The following OXR1 variants were observed in gnomAD, a reference collection of about 807,000 sequenced individuals.
OXR1 encodes oxidation resistance protein 1.
In OXR1, 41 loss-of-function variants were observed where a neutral mutation model predicts 104.6. That is an observed-to-expected ratio of 0.39 (90% CI 0.31 to 0.51). OXR1 has a LOEUF of 0.51. Ranked by LOEUF, OXR1 falls within the 20% of genes least tolerant of loss-of-function variation. The pLI is 0.77. For synonymous variants in OXR1, 348 were observed against 348.4 expected, an observed-to-expected ratio of 1.00 and a Z score of 0.01; for missense variants, 955 against 1,031.9, an observed-to-expected ratio of 0.93 and a Z score of 1.02.
At chr8:106,748,028 TG>T (rs1489444769) in intron 16 of OXR1, among the ~76,000 whole-genome samples, 1 of 152,242 alleles carries the variant, frequency 6.6e-6, no homozygotes, top group Admixed American at 6.5e-5. Flanking sequence ...AGATTGGCTA[TG>T]ATAGTCTATT....
intron 2 of OXR1, among the ~76,000 whole-genome samples, chr8:106,431,152 G>C (rs913587832): frequency 3.9e-5 from 6 of 152,042 alleles, no homozygotes; most frequent in Admixed American, 1.3e-4. Context: ...AGTGTATAGG[G>C]GTTGTAGCCC....
chr8:106,612,515 T>C (rs933980716), intron 3 of OXR1, among the ~76,000 whole-genome samples: 1 of 152,182 alleles, frequency 6.6e-6, no homozygotes, highest in African/African-American at 2.4e-5. Flanking sequence ...CATTTCTTAT[T>C]ATGATCTGAG....
At chr8:106,703,827 T>G (rs1156479685) in intron 8 of OXR1, among the ~76,000 whole-genome samples, 2 of 152,084 alleles carry the variant, frequency 1.3e-5, no homozygotes, top group Non-Finnish European at 2.9e-5. Flanking sequence ...GGAAGGAAAT[T>G]GATATGTACT....
intron 3 of OXR1, among the ~76,000 whole-genome samples, chr8:106,649,159 C>G (rs549641381): frequency 1.6e-4 from 24 of 152,204 alleles, no homozygotes; most frequent in African/African-American, 5.8e-4. Context: ...GAGCCCTGAT[C>G]ACACCACTGC....
rs933369457 is a variant in OXR1, at chr8:106,336,240, G to A, written c.-138-23236G>A. ...TTTCTCCAGGTAAGGCAAAGTATAC[G>A]TTGTCAGTGCAGAACAGGAGTAGCC... On this transcript the variant is annotated intron_variant, in intron 1 of 16. Transcript: ENST00000517566. 3.3e-5 allele frequency among the ~76,000 whole-genome samples: 5 copies of A among 152,314 alleles called. No individual in the cohort carries two copies. The East Asian group carries it at 7.7e-4, about 23-fold the overall frequency.
intron 2 of OXR1, among the ~76,000 whole-genome samples, chr8:106,486,008 T>C (rs1810629992): frequency 6.6e-6 from 1 of 152,002 alleles, no homozygotes; most frequent in South Asian, 2.1e-4. Context: ...ATACAAATTT[T>C]TTATTAGACA....
intron 2 of OXR1, among the ~76,000 whole-genome samples, chr8:106,499,617 A>G (rs895836472): frequency 1.3e-5 from 2 of 152,214 alleles, no homozygotes; most frequent in African/African-American, 2.4e-5. Flanking sequence ...TGCTGCTGCC[A>G]TTAATCAACT....
intron 3 of OXR1, among the ~76,000 whole-genome samples, chr8:106,676,604 A>G (rs546243115): frequency 1.3e-5 from 2 of 152,118 alleles, no homozygotes; most frequent in East Asian, 1.9e-4. Context: ...TTTAAGAATG[A>G]TGAATATTGG....
At chr8:106,539,530 G>T (rs1331606599) in intron 3 of OXR1, among the ~76,000 whole-genome samples, 1 of 151,956 alleles carries the variant, frequency 6.6e-6, no homozygotes, top group African/African-American at 2.4e-5. Flanking sequence ...AATTAAGCTC[G>T]GTAAACATAT....
chr8:106,338,498 G>T (rs1434711253), intron 1 of OXR1, among the ~76,000 whole-genome samples: 1 of 151,250 alleles, frequency 6.6e-6, no homozygotes, highest in African/African-American at 2.4e-5. Flanking sequence ...GGGAGGTGGA[G>T]GTTGCAGTGA....
intron 2 of OXR1, among the ~76,000 whole-genome samples, chr8:106,360,304 A>G (rs1435008824): frequency 6.6e-6 from 1 of 152,208 alleles, no homozygotes; most frequent in Non-Finnish European, 1.5e-5. Flanking sequence ...ACTTTTTTAT[A>G]TAACGAGATG....
At chr8:106,567,855 GGAT>G (rs1294807043) in intron 3 of OXR1, among the ~76,000 whole-genome samples, 3 of 152,212 alleles carry the variant, frequency 2.0e-5, no homozygotes, top group Admixed American at 6.5e-5. Flanking sequence ...CGATCTATCT[GGAT>G]GATATGTCAT....
chr8:106,568,462 C>G (rs1217328007), intron 3 of OXR1, among the ~76,000 whole-genome samples: 2 of 152,076 alleles, frequency 1.3e-5, no homozygotes, highest in Non-Finnish European at 2.9e-5. Context: ...GGAGAATGTA[C>G]TAGACGGATG....
At chr8:106,419,025 A>G (rs1469760053) in intron 2 of OXR1, among the ~76,000 whole-genome samples, 1 of 152,196 alleles carries the variant, frequency 6.6e-6, no homozygotes, top group Non-Finnish European at 1.5e-5. Context: ...TATCAGAAAA[A>G]TATAATAAGC....
intron 2 of OXR1, among the ~76,000 whole-genome samples, chr8:106,384,089 C>T (rs1817269276): frequency 6.6e-6 from 1 of 152,066 alleles, no homozygotes; most frequent in South Asian, 2.1e-4. Flanking sequence ...CATTTCTAAC[C>T]ACTACTTTAC....
intron 1 of OXR1, among the ~76,000 whole-genome samples, chr8:106,343,680 T>C (rs1016928602): frequency 3.3e-5 from 5 of 152,240 alleles, no homozygotes; most frequent in African/African-American, 1.2e-4. Context: ...CCAAGCCACA[T>C]GAAAGTTAAG....
intron 2 of OXR1, among the ~76,000 whole-genome samples, chr8:106,364,094 A>T (rs758966232): frequency 4.9e-4 from 74 of 152,316 alleles, no homozygotes; most frequent in Non-Finnish European, 5.0e-4. Flanking sequence ...TCCGTTTTGC[A>T]TGCCTACAGA....
chr8:106,534,631 A>G lies in OXR1; in HGVS notation c.220+15492A>G, dbSNP rs371833155. 4.6e-5 allele frequency among the ~76,000 whole-genome samples: 7 copies of G among 152,212 alleles called. No individual in the cohort carries two copies. The East Asian group carries it at 9.6e-4, about 21-fold the overall frequency. On this transcript the variant is annotated intron_variant, in intron 3 of 16. Coordinates refer to ENST00000517566, the MANE Select transcript of OXR1 (RefSeq NM_001198533.2). ...CATTAGAATTAGCAATTCACTGGCTATTTTAGCTCTATCAGTCATTGGCTG... is the reference window on the plus strand; with the variant it reads ...CATTAGAATTAGCAATTCACTGGCTGTTTTAGCTCTATCAGTCATTGGCTG...
intron 1 of OXR1, among the ~76,000 whole-genome samples, chr8:106,348,937 A>C (rs576152973): frequency 6.6e-6 from 1 of 152,168 alleles, no homozygotes; most frequent in African/African-American, 2.4e-5. Context: ...CTAAATAAGA[A>C]ATTTGCATAT....
Sources: allele counts gnomAD v4.1 joint callset (sites outside exome capture counted in the v4.1 genomes callset), GRCh38; gene constraint gnomAD v4.1.1; transcripts MANE v1.5; gene names NCBI Gene and HGNC (gene_info 2026-07-23, HGNC 2026-07-21).